KSR2: variants seen among roughly 807,000 people sequenced by gnomAD.
KSR2 encodes the protein kinase suppressor of ras 2.
Under a neutral mutation model 107.8 loss-of-function variants are expected in KSR2, and 25 were observed. The observed-to-expected ratio is 0.23, with a 90% confidence interval of 0.17 to 0.32. The LOEUF is 0.32. Ranked by LOEUF, KSR2 falls within the 10% of genes least tolerant of loss-of-function variation. The pLI is 1.00. For synonymous variants in KSR2, 480 were observed against 507.0 expected, an observed-to-expected ratio of 0.95 and a Z score of 0.71; for missense variants, 887 against 1,268.9, an observed-to-expected ratio of 0.70 and a Z score of 4.57.
chr12:117,883,867 C>G (rs1894098341), intron 1 of KSR2, among the ~76,000 whole-genome samples: 1 of 116,416 alleles, frequency 8.6e-6, no homozygotes, highest in East Asian at 2.3e-4. Context: ...CAGAGCAAGT[C>G]TCCATCTCAA....
chr12:117,734,950 C>G (rs539487436), intron 4 of KSR2, among the ~76,000 whole-genome samples: 1 of 152,212 alleles, frequency 6.6e-6, no homozygotes, highest in Non-Finnish European at 1.5e-5. Context: ...TCTATCATGC[C>G]GAAGCCACAC....
chr12:117,553,327 G>A (rs1041633080), intron 9 of KSR2, among the ~76,000 whole-genome samples: 1 of 152,232 alleles, frequency 6.6e-6, no homozygotes, highest in Non-Finnish European at 1.5e-5. Context: ...AGAGATAGAG[G>A]AGGGACCAAA....
At chr12:117,876,022 C>A (rs900301593) in intron 1 of KSR2, among the ~76,000 whole-genome samples, 1 of 152,174 alleles carries the variant, frequency 6.6e-6, no homozygotes, top group African/African-American at 2.4e-5. Flanking sequence ...CGCCAGGCCA[C>A]TAAAAATAAA....
intron 4 of KSR2, among the ~76,000 whole-genome samples, chr12:117,754,553 G>A (rs575234479): frequency 1.3e-5 from 2 of 151,872 alleles, no homozygotes; most frequent in South Asian, 2.1e-4. Context: ...CAGGAGAATC[G>A]CTTGTACCCA....
intron 7 of KSR2, among the ~76,000 whole-genome samples, chr12:117,577,437 CTG>C (rs1192843974): frequency 2.6e-5 from 4 of 152,162 alleles, no homozygotes; most frequent in Admixed American, 6.5e-5. Flanking sequence ...GAGCGAGGCA[CTG>C]TGTTATGTTC....
chr12:117,685,258 AT>A (rs1242268153), intron 4 of KSR2, among the ~76,000 whole-genome samples: 2 of 152,116 alleles, frequency 1.3e-5, no homozygotes, highest in East Asian at 1.9e-4. Context: ...GACTAATCTT[AT>A]TTTTTTGTTC....
chr12:117,521,134 C>T (rs528461233), intron 14 of KSR2, among the ~76,000 whole-genome samples: 59 of 152,280 alleles, frequency 3.9e-4, no homozygotes, highest in African/African-American at 1.4e-3. Flanking sequence ...CTCCCCTTTG[C>T]CCTCACCTGC....
chr12:117,794,167 C>A (rs569648938), intron 3 of KSR2, among the ~76,000 whole-genome samples: 2 of 130,102 alleles, frequency 1.5e-5, no homozygotes, highest in African/African-American at 5.9e-5. Flanking sequence ...CATACACCAA[C>A]ATGCGCACAC....
intron 5 of KSR2, among the ~76,000 whole-genome samples, chr12:117,583,331 G>A (rs1879790035): frequency 6.7e-6 from 1 of 149,026 alleles, no homozygotes; most frequent in Non-Finnish European, 1.5e-5. Context: ...GTGGGTGGAT[G>A]GATAGATAGA....
chr12:117,860,378 G>A lies in KSR2; in HGVS notation c.234C>T (p.Ala78=). Reference sequence around the variant, plus strand: ...CCAGCTCCGCGTTGCGCTCCTGCAAGGCTACCTTCTTTTTGCAGGACAGCT... The same window carrying A: ...CCAGCTCCGCGTTGCGCTCCTGCAAAGCTACCTTCTTTTTGCAGGACAGCT... The part of the protein sequence containing the change: ...SRQLSCKKKV[A]LQERNAELDG... The change falls in exon 2 of 20, where the codon GCC becomes GCT. Residue 78 remains alanine (A), a synonymous_variant. Transcript: ENST00000339824. 1 of 1,613,556 alleles carries A rather than the reference G, an allele frequency of 6.2e-7. No individual in the cohort carries two copies.
chr12:117,919,403 A>G (rs1242319323), intron 1 of KSR2, among the ~76,000 whole-genome samples: 1 of 152,244 alleles, frequency 6.6e-6, no homozygotes, highest in African/African-American at 2.4e-5. Flanking sequence ...TAAGAGAAGC[A>G]TTCCAAGGAA....
chr12:117,873,911 A>G (rs974196703), intron 1 of KSR2, among the ~76,000 whole-genome samples: 18 of 152,316 alleles, frequency 1.2e-4, no homozygotes, highest in African/African-American at 4.1e-4. Context: ...GAGCATTTAG[A>G]TACTTTTATA....
At chr12:117,493,069 T>G (rs973425674) in intron 14 of KSR2, among the ~76,000 whole-genome samples, 1 of 152,150 alleles carries the variant, frequency 6.6e-6, no homozygotes, top group African/African-American at 2.4e-5. Flanking sequence ...CAGTAAGTGC[T>G]GCCTCGTGAG....
intron 5 of KSR2, among the ~76,000 whole-genome samples, chr12:117,588,564 T>C (rs1359612680): frequency 1.3e-5 from 2 of 152,218 alleles, no homozygotes; most frequent in Non-Finnish European, 2.9e-5. Flanking sequence ...AATGGACCGA[T>C]AGTCAAGTCC....
chr12:117,669,425 C>G (rs2136491535), intron 4 of KSR2, among the ~76,000 whole-genome samples: 1 of 152,292 alleles, frequency 6.6e-6, no homozygotes, highest in East Asian at 1.9e-4. Context: ...TGTCCAATAA[C>G]AGAGCTACTC....
intron 3 of KSR2, among the ~76,000 whole-genome samples, chr12:117,813,864 G>A (rs1004804772): frequency 2.6e-5 from 4 of 152,176 alleles, no homozygotes; most frequent in African/African-American, 9.7e-5. Flanking sequence ...CCAAGATATG[G>A]ATTGACCCAA....
At position 117,656,976 on chromosome 12, in the gene KSR2, A is replaced by C. The variant is rs1353723373; in HGVS notation, c.1171+10498T>G. 2.9e-4 allele frequency among the ~76,000 whole-genome samples: 21 copies of C among 72,974 alleles called. No homozygotes were observed. In the East Asian group the frequency reaches 5.7e-3, roughly 20 times the overall value. 47.9% of individuals were successfully genotyped at this position (72,974 alleles called of 152,430 possible). A position where few individuals can be genotyped will look rare whatever the true frequency, so the allele number is the denominator to read the frequency against. ...TATATATAATAGGATATATATATAT[A>C]ATAGGATATATATATATATATATAT... On this transcript the variant is annotated intron_variant, in intron 5 of 19. Coordinates refer to ENST00000339824, the MANE Select transcript of KSR2 (RefSeq NM_173598.6).
intron 4 of KSR2, among the ~76,000 whole-genome samples, chr12:117,743,337 C>T (rs1263636063): frequency 1.3e-5 from 2 of 152,234 alleles, no homozygotes; most frequent in South Asian, 4.1e-4. Flanking sequence ...TCTTGGGATT[C>T]CCATTCTACC....
chr12:117,566,427 CT>C (rs1382973563), intron 7 of KSR2, among the ~76,000 whole-genome samples: 5 of 152,186 alleles, frequency 3.3e-5, no homozygotes, highest in Admixed American at 2.6e-4. Context: ...GCCTGCCCCC[CT>C]CTTTCTGTCT....
Sources: allele counts gnomAD v4.1 joint callset (sites outside exome capture counted in the v4.1 genomes callset), GRCh38; gene constraint gnomAD v4.1.1; transcripts MANE v1.5; gene names NCBI Gene and HGNC (gene_info 2026-07-23, HGNC 2026-07-21).